Variants in FGF12 observed in about 807,000 individuals in gnomAD.
FGF12 encodes the protein fibroblast growth factor 12B.
Under a neutral mutation model 23.6 loss-of-function variants are expected in FGF12, and 14 were observed. The ratio of observed to expected loss-of-function variants is 0.59; its 90% CI spans 0.39 to 0.93. The LOEUF (loss-of-function observed/expected upper bound fraction) is 0.93, where lower values mean the gene tolerates loss of function less well. Among genes scored for constraint, FGF12 ranks in the 40% least tolerant of loss-of-function variants. FGF12 has a pLI of 0.00. For synonymous variants in FGF12, 62 were observed against 77.3 expected (o/e 0.80, Z 1.04); for missense variants, 175 against 217.8 (o/e 0.80, Z 1.24).
Position 192,169,835 on chromosome 3 carries a change from G to GGAA in FGF12, c.427+622_427+623insTTC, listed in dbSNP as rs747930474. Among the ~76,000 whole-genome samples, 57 of 139,756 alleles carry GGAA rather than the reference G, an allele frequency of 4.1e-4. 1 individual carries two copies. Among genetic ancestry groups the GGAA allele is most frequent in the Non-Finnish European group, 7.5e-4 (48 of 63,844 alleles). The allele number at this position is 139,756 out of a possible 152,430, so 91.7% of individuals were successfully genotyped here. ...TAGCTGCCAAAAATCGGTTTCCTCA[G>GGAA]AAAAAAAAAAACAAAAAAGTTTATT... On this transcript the variant is annotated intron_variant, in intron 5 of 5. Coordinates refer to ENST00000445105, the MANE Select transcript of FGF12 (RefSeq NM_004113.6).
At chr3:192,327,229 A>G (rs940671071) in intron 4 of FGF12, among the ~76,000 whole-genome samples, 1 of 152,176 alleles carries the variant, frequency 6.6e-6, no homozygotes, top group African/African-American at 2.4e-5. Context: ...ACAAAAACTA[A>G]AAGTACACTG....
intron 2 of FGF12, among the ~76,000 whole-genome samples, chr3:192,572,249 T>C (rs1020798108): frequency 6.6e-6 from 1 of 152,204 alleles, no homozygotes; most frequent in Non-Finnish European, 1.5e-5. Flanking sequence ...AACATAAAAC[T>C]GACAGCCTCC....
At chr3:192,312,065 A>C (rs771018217) in intron 4 of FGF12, among the ~76,000 whole-genome samples, 9 of 152,018 alleles carry the variant, frequency 5.9e-5, no homozygotes, top group Admixed American at 2.0e-4. Flanking sequence ...TCTAGATACA[A>C]ATTTCTTATC....
At chr3:192,254,463 T>C (rs115391104) in intron 4 of FGF12, among the ~76,000 whole-genome samples, 2,075 of 152,018 alleles carry the variant, frequency 0.014, 49 homozygotes, top group African/African-American at 0.048. Flanking sequence ...ATAAAATATG[T>C]ATTCAATTTC....
chr3:192,169,368 A>G (rs765291339), intron 5 of FGF12, among the ~76,000 whole-genome samples: 12 of 152,160 alleles, frequency 7.9e-5, no homozygotes, highest in Non-Finnish European at 1.8e-4. Context: ...AAGTGAAAAT[A>G]TACTGCAGGA....
chr3:192,662,683 C>G (rs930635565), intron 2 of FGF12, among the ~76,000 whole-genome samples: 1 of 152,206 alleles, frequency 6.6e-6, no homozygotes, highest in African/African-American at 2.4e-5. Flanking sequence ...ACAGCTTCTT[C>G]TCCTCTAAGT....
At chr3:192,502,282 T>C (rs986077869) in intron 2 of FGF12, among the ~76,000 whole-genome samples, 1 of 152,248 alleles carries the variant, frequency 6.6e-6, no homozygotes, top group Non-Finnish European at 1.5e-5. Context: ...ATTGGGTATA[T>C]TTTAAGCAGA....
At chr3:192,708,773 T>C (rs1577133705) in intron 2 of FGF12, among the ~76,000 whole-genome samples, 1 of 152,220 alleles carries the variant, frequency 6.6e-6, no homozygotes, top group African/African-American at 2.4e-5. Context: ...AAAAGCTTTA[T>C]TGAGAAAATT....
chr3:192,211,550 C>A (rs998358607), intron 4 of FGF12, among the ~76,000 whole-genome samples: 4 of 152,002 alleles, frequency 2.6e-5, no homozygotes, highest in African/African-American at 9.7e-5. Flanking sequence ...CTCAGCCTAC[C>A]GTGTAGCTGG....
rs757055449 is a variant in FGF12 at position 192,661,479 on chromosome 3, C to CTCA, written c.13+65699_13+65701dup. On this transcript the variant is annotated intron_variant, in intron 2 of 5. Transcript: ENST00000445105. Reference sequence around the variant, plus strand: ...GGCAGAGGTTGCAGTGAGCTGAGATCTCACCACTGCACTCCAGCCTGGGTG... The same window carrying CTCA: ...GGCAGAGGTTGCAGTGAGCTGAGATCTCATCACCACTGCACTCCAGCCTGGGTG... Among the ~76,000 whole-genome samples the CTCA allele has an allele frequency of 5.9e-5, 9 of 152,228 alleles. No individual in the cohort carries two copies. The East Asian group carries it at 1.7e-3, about 29-fold the overall frequency.
intron 5 of FGF12, among the ~76,000 whole-genome samples, chr3:192,156,741 T>C (rs902232301): frequency 2.0e-5 from 3 of 152,204 alleles, no homozygotes; most frequent in African/African-American, 7.2e-5. Flanking sequence ...TGAGATAAAA[T>C]ATCATTGCTC....
At position 192,418,212 on chromosome 3, in the gene FGF12, G is replaced by A. The variant is rs770947859; in HGVS notation, c.14-57674C>T. Among the ~76,000 whole-genome samples, 194 of 152,030 alleles carry A rather than the reference G, an allele frequency of 1.3e-3. 2 individuals carry two copies. Among genetic ancestry groups the A allele is most frequent in the South Asian group, 1.9e-3 (9 of 4,816 alleles). The stretch of plus-strand genomic sequence containing the variant: ...CCTATTCAGTCTCTCTTTTGCTGCC[G>A]GTAATTAATAAAAAAGTTAATATGT... On this transcript the variant is annotated intron_variant, in intron 2 of 5. Transcript: ENST00000445105.
In FGF12 at chr3:192,481,087, A is replaced by T. The variant is rs1219316810; in HGVS notation, c.14-120549T>A. On this transcript the variant is annotated intron_variant, in intron 2 of 5. Coordinates refer to ENST00000445105, the MANE Select transcript of FGF12 (RefSeq NM_004113.6). The stretch of plus-strand genomic sequence containing the variant: ...TTTAACCTCCCCTCAAAATCAAGTA[A>T]CTATAATGCTGAAAGATGACATTTT... Among the ~76,000 whole-genome samples, 3 of 152,330 alleles carry T rather than the reference A, an allele frequency of 2.0e-5. No individual in the cohort carries two copies. The East Asian group carries it at 5.8e-4, about 29-fold the overall frequency.
At chr3:192,425,499 C>T (rs1355389171) in intron 2 of FGF12, among the ~76,000 whole-genome samples, 2 of 152,158 alleles carry the variant, frequency 1.3e-5, no homozygotes, top group Non-Finnish European at 2.9e-5. Flanking sequence ...GGAAGTCCTC[C>T]AGGGCAGCGA....
At chr3:192,411,398 G>A (rs1721195934) in intron 2 of FGF12, among the ~76,000 whole-genome samples, 1 of 152,212 alleles carries the variant, frequency 6.6e-6, no homozygotes, top group African/African-American at 2.4e-5. Flanking sequence ...GCTGTCATTT[G>A]GGAAGCACAC....
At chr3:192,158,350 C>CT (rs1178176242) in intron 5 of FGF12, among the ~76,000 whole-genome samples, 1 of 96,196 alleles carries the variant, frequency 1.0e-5, no homozygotes, top group Non-Finnish European at 2.2e-5. Flanking sequence ...TTCTTTCTTT[C>CT]TTTCTTTCTT....
chr3:192,259,933 C>T (rs1428348864), intron 4 of FGF12, among the ~76,000 whole-genome samples: 1 of 152,044 alleles, frequency 6.6e-6, no homozygotes, highest in African/African-American at 2.4e-5. Context: ...ATGTGGCATT[C>T]TCATATATGT....
rs530347019 is a variant in FGF12, at chr3:192,706,417, C to T, written c.13+20764G>A. On this transcript the variant is annotated intron_variant, in intron 2 of 5. Coordinates refer to ENST00000445105, the MANE Select transcript of FGF12 (RefSeq NM_004113.6). ...AGGCAAAGCGACTTTGCCAAGGTCA[C>T]GTTAAGTCACCGACTGACCGCCGAA... Among the ~76,000 whole-genome samples, 192 of 152,194 alleles carry T rather than the reference C, an allele frequency of 1.3e-3. 3 individuals are homozygous for T. The highest frequency in any genetic ancestry group is 0.011 in the Admixed American group (168 of 15,294).
intron 4 of FGF12, among the ~76,000 whole-genome samples, chr3:192,278,094 A>C (rs1384605589): frequency 6.6e-6 from 1 of 152,136 alleles, no homozygotes; most frequent in East Asian, 1.9e-4. Context: ...CGCTGTTACC[A>C]ATCAGTCAGC....
Sources: gnomAD v4.1 joint callset for allele counts (sites outside exome capture counted in the v4.1 genomes callset) on GRCh38, gnomAD v4.1.1 for gene constraint, MANE v1.5 for transcripts, NCBI Gene and HGNC (gene_info 2026-07-23, HGNC 2026-07-21) for gene names.